Variants in EBF1 observed in about 807,000 individuals in gnomAD.
EBF1 encodes the protein transcription factor COE1.
EBF1 carries 10 observed loss-of-function variants against 68.4 expected under a neutral mutation model. That is an observed-to-expected ratio of 0.15 (90% CI 0.09 to 0.25). The LOEUF is 0.25. EBF1 is among the 10% of genes least tolerant of loss of function. The pLI is 1.00. For missense variants in EBF1, 509 were observed against 794.4 expected, an observed-to-expected ratio of 0.64 and a Z score of 4.32; for synonymous variants, 298 against 299.8, an observed-to-expected ratio of 0.99 and a Z score of 0.06.
chr5:158,927,548 T>C (rs1286438113), intron 6 of EBF1, among the ~76,000 whole-genome samples: 1 of 152,202 alleles, frequency 6.6e-6, no homozygotes, highest in Non-Finnish European at 1.5e-5. Context: ...AATACAGGAA[T>C]TAAAGTGGCT....
rs1781479479 is a variant in EBF1 at position 159,090,723 on chromosome 5, C to T, written c.411+4897G>A. Among the ~76,000 whole-genome samples, 4 of 152,026 alleles carry T rather than the reference C, an allele frequency of 2.6e-5. No homozygotes were observed. In the South Asian group the frequency reaches 8.3e-4, roughly 32 times the overall value. Reference sequence around the variant, plus strand: ...TCCCATATTGTATTTCTTTTTCTAGCACAAATAAAAGATATTTCACTCCTA... The same window carrying T: ...TCCCATATTGTATTTCTTTTTCTAGTACAAATAAAAGATATTTCACTCCTA... On this transcript the variant is annotated intron_variant, in intron 4 of 15. Coordinates refer to ENST00000313708, the MANE Select transcript of EBF1 (RefSeq NM_024007.5).
chr5:158,965,290 C>T (rs898150711), intron 6 of EBF1, among the ~76,000 whole-genome samples: 2 of 152,156 alleles, frequency 1.3e-5, no homozygotes, highest in African/African-American at 4.8e-5. Context: ...CTCCCATCCC[C>T]TTTGCTTTGA....
At chr5:159,082,839 C>A (rs1779967787) in intron 5 of EBF1, among the ~76,000 whole-genome samples, 1 of 152,150 alleles carries the variant, frequency 6.6e-6, no homozygotes, top group Non-Finnish European at 1.5e-5. Context: ...CCTTCAGTGG[C>A]TTCAGAATTT....
chr5:159,077,392 T>C (rs1399322475), intron 5 of EBF1, among the ~76,000 whole-genome samples: 4 of 152,164 alleles, frequency 2.6e-5, no homozygotes, highest in Non-Finnish European at 4.4e-5. Context: ...TGACCTGATA[T>C]CGTGCCATTC....
At chr5:158,903,260 T>C (rs1803839446) in intron 6 of EBF1, among the ~76,000 whole-genome samples, 1 of 152,244 alleles carries the variant, frequency 6.6e-6, no homozygotes. Context: ...CCTACATGCA[T>C]AAACAGCTTT....
chr5:159,052,602 G>A (rs926278956), intron 6 of EBF1, among the ~76,000 whole-genome samples: 1 of 152,168 alleles, frequency 6.6e-6, no homozygotes, highest in Admixed American at 6.5e-5. Flanking sequence ...GCTCTCAGAG[G>A]AATTGTCCTG....
rs553377808 is a variant in EBF1 at position 158,751,498 on chromosome 5, G to A, written c.1037-20341C>T. 3.3e-5 allele frequency among the ~76,000 whole-genome samples: 5 copies of A among 152,202 alleles called. No individual in the cohort carries two copies. In the South Asian group the frequency reaches 8.3e-4, roughly 25 times the overall value. On this transcript the variant is annotated intron_variant, in intron 10 of 15. Transcript: ENST00000313708. ...CTCAGGGATCATCACACTTTTAAAAGACATACGTAGTTATAGAAATACCAA... is the reference window on the plus strand; with the variant it reads ...CTCAGGGATCATCACACTTTTAAAAAACATACGTAGTTATAGAAATACCAA...
At chr5:158,960,742 G>A (rs1472658824) in intron 6 of EBF1, among the ~76,000 whole-genome samples, 2 of 152,182 alleles carry the variant, frequency 1.3e-5, no homozygotes, top group Non-Finnish European at 2.9e-5. Flanking sequence ...AGGTCAAAAA[G>A]GCCTGTCAGT....
chr5:158,799,103 G>A (rs1780106591), intron 8 of EBF1, among the ~76,000 whole-genome samples: 1 of 152,146 alleles, frequency 6.6e-6, no homozygotes. Flanking sequence ...CAGAGAGAGA[G>A]GATGAGGAGG....
At chr5:158,859,970 G>A (rs1794696483) in intron 6 of EBF1, among the ~76,000 whole-genome samples, 1 of 152,154 alleles carries the variant, frequency 6.6e-6, no homozygotes, top group Non-Finnish European at 1.5e-5. Context: ...ATGTTTAGTA[G>A]AATCTTGTTT....
chr5:158,920,904 C>T (rs1399345091), intron 6 of EBF1, among the ~76,000 whole-genome samples: 1 of 152,134 alleles, frequency 6.6e-6, no homozygotes, highest in Non-Finnish European at 1.5e-5. Context: ...TATGGAAGTC[C>T]CTGTGTTTTA....
At chr5:158,821,852 T>C (rs1168428145) in intron 8 of EBF1, among the ~76,000 whole-genome samples, 1 of 152,184 alleles carries the variant, frequency 6.6e-6, no homozygotes, top group African/African-American at 2.4e-5. Flanking sequence ...GAAGCAGCTT[T>C]TGAAAGATGA....
intron 6 of EBF1, among the ~76,000 whole-genome samples, chr5:158,916,759 C>G (rs962366132): frequency 6.6e-6 from 1 of 152,178 alleles, no homozygotes; most frequent in African/African-American, 2.4e-5. Context: ...TAGTTTCCCT[C>G]ACTTTTCAAT....
chr5:158,758,758 T>A (rs779915424), intron 10 of EBF1, among the ~76,000 whole-genome samples: 2 of 152,180 alleles, frequency 1.3e-5, no homozygotes, highest in Non-Finnish European at 2.9e-5. Flanking sequence ...GTATTTGTAC[T>A]TCCCAAACAT....
intron 6 of EBF1, among the ~76,000 whole-genome samples, chr5:158,892,050 A>G (rs1369716469): frequency 2.0e-5 from 3 of 152,118 alleles, no homozygotes; most frequent in Non-Finnish European, 4.4e-5. Context: ...CTATCTTCCA[A>G]AGATATTTCC....
intron 6 of EBF1, among the ~76,000 whole-genome samples, chr5:158,896,672 G>T (rs1473479133): frequency 6.6e-6 from 1 of 152,170 alleles, no homozygotes; most frequent in African/African-American, 2.4e-5. Context: ...ACACACATAG[G>T]ATAAAGTCAC....
chr5:158,774,984 T>TA (rs397815862), intron 10 of EBF1, among the ~76,000 whole-genome samples: 14,806 of 139,430 alleles, frequency 0.11, 867 homozygotes, highest in African/African-American at 0.16. Context: ...CTAGAATATT[T>TA]AAAAAAAAAA....
chr5:158,986,176 G>C (rs1759023054), intron 6 of EBF1, among the ~76,000 whole-genome samples: 1 of 152,170 alleles, frequency 6.6e-6, no homozygotes, highest in African/African-American at 2.4e-5. Flanking sequence ...CATGATTTCT[G>C]TCCTTCTCTC....
intron 6 of EBF1, among the ~76,000 whole-genome samples, chr5:158,844,044 A>C (rs1406665388): frequency 6.6e-6 from 1 of 152,136 alleles, no homozygotes; most frequent in Admixed American, 6.5e-5. Context: ...TGTTGTCAGG[A>C]GAAAAAGTGT....
Sources: gnomAD v4.1 joint callset for allele counts (sites outside exome capture counted in the v4.1 genomes callset) on GRCh38, gnomAD v4.1.1 for gene constraint, MANE v1.5 for transcripts, NCBI Gene and HGNC (gene_info 2026-07-23, HGNC 2026-07-21) for gene names.